The following GRIK1 variants were observed in gnomAD, a reference collection of about 807,000 sequenced individuals.
The protein encoded by GRIK1 is glutamate receptor ionotropic, kainate 1.
Under a neutral mutation model 105.7 loss-of-function variants are expected in GRIK1, and 69 were observed. The ratio of observed to expected loss-of-function variants is 0.65; its 90% CI spans 0.54 to 0.80. The LOEUF is 0.80. Among genes scored for constraint, GRIK1 ranks in the 30% least tolerant of loss-of-function variants. The pLI, the probability that GRIK1 is intolerant of heterozygous loss-of-function variation, is 0.00. For synonymous variants in GRIK1, 438 were observed against 431.3 expected (o/e 1.02, Z -0.19); for missense variants, 1,109 against 1,167.3 (o/e 0.95, Z 0.73).
At chr21:29,921,665 T>A (rs1416708083) in intron 1 of GRIK1, among the ~76,000 whole-genome samples, 1 of 152,188 alleles carries the variant, frequency 6.6e-6, no homozygotes, top group South Asian at 2.1e-4. Flanking sequence ...ACTTCTAACA[T>A]CTAAAATTTC....
chr21:29,650,651 G>A (rs548335049), intron 6 of GRIK1, among the ~76,000 whole-genome samples: 6 of 152,260 alleles, frequency 3.9e-5, no homozygotes, highest in African/African-American at 1.2e-4. Context: ...GAACCTATAC[G>A]CATCCAGGAC....
intron 1 of GRIK1, among the ~76,000 whole-genome samples, chr21:29,806,639 C>G (rs1258072177): frequency 6.6e-6 from 1 of 152,058 alleles, no homozygotes; most frequent in Non-Finnish European, 1.5e-5. Context: ...TTTAGGCAAC[C>G]ATCCCATAGC....
At chr21:29,888,848 C>G (rs796666681) in intron 1 of GRIK1, among the ~76,000 whole-genome samples, 39 of 151,724 alleles carry the variant, frequency 2.6e-4, no homozygotes, top group African/African-American at 9.4e-4. Flanking sequence ...GTTTTTTTTT[C>G]CCCCTCCCCA....
chr21:29,675,022 A>G (rs1043948016), intron 3 of GRIK1, among the ~76,000 whole-genome samples: 2 of 152,212 alleles, frequency 1.3e-5, no homozygotes, highest in Admixed American at 6.5e-5. Context: ...AACAAAATAT[A>G]GAACGTGGGT....
chr21:29,822,424 TCTA>T (rs1457397039), intron 1 of GRIK1, among the ~76,000 whole-genome samples: 1 of 152,030 alleles, frequency 6.6e-6, no homozygotes, highest in Non-Finnish European at 1.5e-5. Context: ...AGCAGACAAT[TCTA>T]CTTTGTTCCA....
chr21:29,891,758 T>G (rs983292114), intron 1 of GRIK1, among the ~76,000 whole-genome samples: 4 of 152,170 alleles, frequency 2.6e-5, no homozygotes, highest in African/African-American at 9.7e-5. Context: ...AATATAAAAA[T>G]TTTTTCAGTT....
At chr21:29,707,764 AAACCACCGCGCCTGGCCTGACTCT>A (rs1468672096) in intron 1 of GRIK1, among the ~76,000 whole-genome samples, 6 of 151,778 alleles carry the variant, frequency 4.0e-5, no homozygotes, top group Non-Finnish European at 8.8e-5. Flanking sequence ...TTACAGGCGT[AAACCACCGCGCCTGGCCTGACTCT>A]ATCCTATTTT....
chr21:29,651,602 C>T (rs1478181414), intron 5 of GRIK1, among the ~76,000 whole-genome samples: 2 of 152,118 alleles, frequency 1.3e-5, no homozygotes, highest in Non-Finnish European at 2.9e-5. Context: ...ACAGATGCCA[C>T]CTGCTCATCA....
intron 7 of GRIK1, among the ~76,000 whole-genome samples, chr21:29,604,538 G>A (rs1350885924): frequency 6.6e-6 from 1 of 152,142 alleles, no homozygotes; most frequent in Admixed American, 6.5e-5. Flanking sequence ...GGATCCATGA[G>A]GAATCCATTT....
intron 4 of GRIK1, among the ~76,000 whole-genome samples, chr21:29,660,621 G>A (rs1475176956): frequency 6.6e-6 from 1 of 152,192 alleles, no homozygotes; most frequent in Non-Finnish European, 1.5e-5. Flanking sequence ...ATGGAACCTG[G>A]AGTGCTACTG....
intron 1 of GRIK1, among the ~76,000 whole-genome samples, chr21:29,871,735 C>G (rs1239430543): frequency 1.3e-5 from 2 of 150,368 alleles, no homozygotes; most frequent in African/African-American, 4.9e-5. Context: ...GGAAAAGTGA[C>G]TACTACCAAA....
chr21:29,923,193 T>C (rs1401200379), intron 1 of GRIK1, among the ~76,000 whole-genome samples: 2 of 152,194 alleles, frequency 1.3e-5, no homozygotes, highest in Admixed American at 6.5e-5. Flanking sequence ...AGGGTGATAC[T>C]GTCCTCCTTC....
At chr21:29,676,006 C>T (rs2063258845) in intron 3 of GRIK1, among the ~76,000 whole-genome samples, 1 of 152,142 alleles carries the variant, frequency 6.6e-6, no homozygotes. Flanking sequence ...GACCAGCACA[C>T]AATATTAAAT....
chr21:29,683,652 CT>C (rs2063424684), intron 3 of GRIK1, among the ~76,000 whole-genome samples: 1 of 152,162 alleles, frequency 6.6e-6, no homozygotes, highest in Admixed American at 6.5e-5. Context: ...GAAAAAGTAC[CT>C]ATTGGTACCT....
chr21:29,774,615 C>T (rs1003026300), intron 1 of GRIK1, among the ~76,000 whole-genome samples: 10 of 152,162 alleles, frequency 6.6e-5, no homozygotes, highest in African/African-American at 2.4e-4. Context: ...CCATGACTGG[C>T]TAATTTTTGT....
rs191127625 is a variant in GRIK1 at position 29,629,714 on chromosome 21, C to T, written c.1098+13112G>A. 4.4e-3 allele frequency among the ~76,000 whole-genome samples: 665 copies of T among 152,268 alleles called. 10 individuals carry two copies. The highest frequency in any genetic ancestry group is 0.015 in the African/African-American group (624 of 41,538). ...CCGTGTTAGCCAGGATGGTCTCGATCTCCTGACCTTGTGATCTGCCTGCCT... is the reference window on the plus strand; with the variant it reads ...CCGTGTTAGCCAGGATGGTCTCGATTTCCTGACCTTGTGATCTGCCTGCCT... On this transcript the variant is annotated intron_variant, in intron 7 of 17. Transcript: ENST00000327783.
intron 1 of GRIK1, among the ~76,000 whole-genome samples, chr21:29,779,918 A>G (rs1258048872): frequency 6.6e-6 from 1 of 152,190 alleles, no homozygotes; most frequent in Non-Finnish European, 1.5e-5. Flanking sequence ...TGCAAAGAAA[A>G]AAAACCCTCA....
chr21:29,856,081 AGATTTCTGGG>A (rs2068454929), intron 1 of GRIK1, among the ~76,000 whole-genome samples: 1 of 152,186 alleles, frequency 6.6e-6, no homozygotes, highest in African/African-American at 2.4e-5. Flanking sequence ...ATATATGTCT[AGATTTCTGGG>A]GTACAAGTAG....
chr21:29,808,860 A>G (rs1050178545), intron 1 of GRIK1, among the ~76,000 whole-genome samples: 1 of 152,172 alleles, frequency 6.6e-6, no homozygotes, highest in African/African-American at 2.4e-5. Flanking sequence ...GCAAAGAAAT[A>G]TACTTGAAAC....
Sources: gnomAD v4.1 joint callset for allele counts (sites outside exome capture counted in the v4.1 genomes callset) on GRCh38, gnomAD v4.1.1 for gene constraint, MANE v1.5 for transcripts, NCBI Gene and HGNC (gene_info 2026-07-23, HGNC 2026-07-21) for gene names.